Variants in PINX1 observed in about 807,000 individuals in gnomAD.
PINX1 encodes the protein PIN2 (TERF1) interacting telomerase inhibitor 1.
In PINX1, 34 loss-of-function variants were observed where a neutral mutation model predicts 25.4. The observed-to-expected ratio is 1.34, with a 90% CI of 1.02 to 1.78. PINX1 has a LOEUF of 1.78. PINX1 is among the 40% of genes most tolerant of loss of function. PINX1 has a pLI of 0.00. For missense variants in PINX1, 592 were observed against 404.9 expected, an observed-to-expected ratio of 1.46 and a Z score of -3.97; for synonymous variants, 197 against 147.7, an observed-to-expected ratio of 1.33 and a Z score of -2.42.
chr8:10,767,634 G>T (rs1586124274), intron 6 of PINX1, among the ~76,000 whole-genome samples: 1 of 152,238 alleles, frequency 6.6e-6, no homozygotes, highest in South Asian at 2.1e-4. Flanking sequence ...ACAGCAGAGT[G>T]AAGGATCTTC....
intron 5 of PINX1, among the ~76,000 whole-genome samples, chr8:10,824,896 C>G (rs1797989769): frequency 6.6e-6 from 1 of 152,156 alleles, no homozygotes; most frequent in Non-Finnish European, 1.5e-5. Context: ...AGCATGTACC[C>G]TCTCTTCAAA....
At chr8:10,820,328 G>C (rs777219154) in intron 5 of PINX1, 59 bp from the exon 6 acceptor site, 3 of 1,177,348 alleles carry the variant, frequency 2.5e-6, no homozygotes, top group Non-Finnish European at 3.8e-6. Context: ...AAAGAGCGCA[G>C]ACATGAACTA....
At chr8:10,835,339 A>T (rs755779136) in intron 1 of PINX1, among the ~76,000 whole-genome samples, 1 of 152,360 alleles carries the variant, frequency 6.6e-6, no homozygotes, top group Non-Finnish European at 1.5e-5. Flanking sequence ...TGAGGCTTAG[A>T]GAAAGAAATT....
chr8:10,789,336 A>G (rs1194100523), intron 6 of PINX1, among the ~76,000 whole-genome samples: 1 of 152,204 alleles, frequency 6.6e-6, no homozygotes, highest in African/African-American at 2.4e-5. Context: ...AAGGTGTGCC[A>G]TGTGATGTTT....
rs147290617 is a variant in PINX1, at chr8:10,803,877, G to A, written c.471+16316C>T. Among the ~76,000 whole-genome samples, 271 of 152,284 alleles carry A rather than the reference G, an allele frequency of 1.8e-3. 1 individual carries two copies. Among genetic ancestry groups the A allele is most frequent in the African/African-American group, 6.1e-3 (254 of 41,566 alleles). Reference sequence around the variant, plus strand: ...TAATGTGTCTGGATTTTAGTAGGAAGGAGAAACTTAATTCTTTCATAGGGC... The same window carrying A: ...TAATGTGTCTGGATTTTAGTAGGAAAGAGAAACTTAATTCTTTCATAGGGC... On this transcript the variant is annotated intron_variant, in intron 6 of 6. Coordinates refer to ENST00000314787, the MANE Select transcript of PINX1 (RefSeq NM_017884.6).
At chr8:10,773,092 T>C (rs1217625609) in intron 6 of PINX1, among the ~76,000 whole-genome samples, 3 of 152,320 alleles carry the variant, frequency 2.0e-5, no homozygotes, top group African/African-American at 2.4e-5. Context: ...TACAAGTACA[T>C]ACAATAGGTG....
At chr8:10,807,931 G>A (rs188094028) in intron 6 of PINX1, among the ~76,000 whole-genome samples, 2 of 152,194 alleles carry the variant, frequency 1.3e-5, no homozygotes, top group African/African-American at 4.8e-5. Context: ...CTGGGAGACA[G>A]ATCCAGCTGA....
At chr8:10,818,084 T>C (rs995267989) in intron 6 of PINX1, among the ~76,000 whole-genome samples, 3 of 152,196 alleles carry the variant, frequency 2.0e-5, no homozygotes, top group Admixed American at 6.5e-5. Context: ...TTGAGAACTA[T>C]GGCTACAGAC....
intron 6 of PINX1, among the ~76,000 whole-genome samples, chr8:10,811,413 G>C (rs965876454): frequency 1.3e-5 from 2 of 152,152 alleles, no homozygotes; most frequent in African/African-American, 2.4e-5. Flanking sequence ...TTTGATACCA[G>C]GTATCAATGT....
chr8:10,835,436 T>A (rs376079139), intron 1 of PINX1, among the ~76,000 whole-genome samples: 2 of 152,302 alleles, frequency 1.3e-5, no homozygotes, highest in Middle Eastern at 3.4e-3. Flanking sequence ...ATTCACAACA[T>A]ACAATAGTCA....
intron 6 of PINX1, among the ~76,000 whole-genome samples, chr8:10,799,078 T>C (rs115643400): frequency 1.3e-5 from 2 of 152,166 alleles, no homozygotes; most frequent in Non-Finnish European, 2.9e-5. Flanking sequence ...TCATCTGTAT[T>C]ATAATATTTA....
At chr8:10,837,949 T>C (rs1455336646) in intron 1 of PINX1, among the ~76,000 whole-genome samples, 1 of 152,238 alleles carries the variant, frequency 6.6e-6, no homozygotes, top group Admixed American at 6.5e-5. Flanking sequence ...AAGCCTACCG[T>C]AGGAGTATAC....
chr8:10,822,289 A>G (rs1410661041), intron 5 of PINX1, among the ~76,000 whole-genome samples: 1 of 152,254 alleles, frequency 6.6e-6, no homozygotes, highest in Non-Finnish European at 1.5e-5. Flanking sequence ...GCTTTTGAAT[A>G]AATACGACAA....
At chr8:10,819,196 G>A (rs1797791173) in intron 6 of PINX1, among the ~76,000 whole-genome samples, 1 of 152,218 alleles carries the variant, frequency 6.6e-6, no homozygotes, top group Non-Finnish European at 1.5e-5. Flanking sequence ...GTCCCAATCT[G>A]CACAGGGAAT....
At chr8:10,770,116 G>C (rs1020580054) in intron 6 of PINX1, among the ~76,000 whole-genome samples, 6 of 152,214 alleles carry the variant, frequency 3.9e-5, no homozygotes, top group African/African-American at 9.6e-5. Flanking sequence ...TTAAAGCACA[G>C]AGTAAAACCC....
At chr8:10,792,454 C>A (rs973216083) in intron 6 of PINX1, among the ~76,000 whole-genome samples, 29 of 152,150 alleles carry the variant, frequency 1.9e-4, no homozygotes, top group African/African-American at 6.7e-4. Flanking sequence ...ATTGACCGTC[C>A]CTCCCCCGTG....
rs571811218 is a variant in PINX1 at position 10,781,463 on chromosome 8, A to G, written c.472-15547T>C. Among the ~76,000 whole-genome samples the G allele has an allele frequency of 3.3e-5, 5 of 152,366 alleles. No homozygotes were observed. In the East Asian group the frequency reaches 9.6e-4, roughly 29 times the overall value. On this transcript the variant is annotated intron_variant, in intron 6 of 6. Transcript: ENST00000314787. ...AGACCATGTATCTGATATAAAGTTA[A>G]TATCTGAAACTTAAAAAGAACTCAA...
At chr8:10,819,839 G>C (rs1271223131) in intron 6 of PINX1, among the ~76,000 whole-genome samples, 1 of 152,124 alleles carries the variant, frequency 6.6e-6, no homozygotes, top group African/African-American at 2.4e-5. Flanking sequence ...AATGCAGTTT[G>C]AGCAGAACAG....
chr8:10,765,680 C>A lies in PINX1; in HGVS notation c.708G>T (p.Thr236=). 1 of 1,614,048 alleles carries A rather than the reference C, an allele frequency of 6.2e-7. No individual in the cohort carries two copies. The highest frequency in any genetic ancestry group is 8.5e-7 in the Non-Finnish European group (1 of 1,179,898). The part of the protein sequence containing the change: ...SYLQPKAKRH[T]EGKPERAEAQ... ...CCTCGGCCCTCTCGGGCTTTCCCTC[C>A]GTGTGCCTCTTGGCCTTAGGCTGGA... is the stretch of plus-strand genomic sequence containing the variant. The change falls in exon 7 of 7, where the codon ACG becomes ACT. Residue 236 remains threonine (T), a synonymous_variant. Transcript: ENST00000314787.
Sources: gnomAD v4.1 joint callset for allele counts (sites outside exome capture counted in the v4.1 genomes callset) on GRCh38, gnomAD v4.1.1 for gene constraint, MANE v1.5 for transcripts, NCBI Gene and HGNC (gene_info 2026-07-23, HGNC 2026-07-21) for gene names.